Variants in MICU3 observed in about 807,000 individuals in gnomAD.
MICU3 encodes the protein mitochondrial calcium uptake 3, also known as calcium uptake protein 3, mitochondrial.
A neutral mutation model predicts 66.5 loss-of-function variants in MICU3; 62 were observed. That is an observed-to-expected ratio of 0.93 (90% CI 0.76 to 1.15). The LOEUF is 1.15. MICU3 is among the 50% of genes most tolerant of loss of function. The pLI, the probability that MICU3 is intolerant of heterozygous loss-of-function variation, is 0.00. For missense variants in MICU3, 779 were observed against 664.4 expected (o/e 1.17, Z -1.90); for synonymous variants, 308 against 240.7 (o/e 1.28, Z -2.59).
chr8:17,076,782 C>G (rs139677734), intron 3 of MICU3, among the ~76,000 whole-genome samples: 44 of 152,256 alleles, frequency 2.9e-4, no homozygotes, highest in Middle Eastern at 6.8e-3. Flanking sequence ...TTCAGTAGGT[C>G]TGGGATGGGC....
chr8:17,133,716 A>G, the MICU3 span, among the ~76,000 whole-genome samples: 1 of 152,214 alleles, frequency 6.6e-6, no homozygotes, highest in Non-Finnish European at 1.5e-5. Context: ...TGACCCACAA[A>G]TATCTAACCA....
chr8:17,053,451 A>G (rs1816426435), intron 1 of MICU3, among the ~76,000 whole-genome samples: 1 of 152,194 alleles, frequency 6.6e-6, no homozygotes, highest in Non-Finnish European at 1.5e-5. Context: ...AAGGATAATG[A>G]TGTACTCTGT....
At chr8:17,058,363 C>G (rs150189777) in intron 1 of MICU3, among the ~76,000 whole-genome samples, 134 of 152,180 alleles carry the variant, frequency 8.8e-4, no homozygotes, top group African/African-American at 3.0e-3. Flanking sequence ...GGATATACAC[C>G]TAATCACAGA....
downstream of MICU3, among the ~76,000 whole-genome samples, chr8:17,126,226 C>G (rs1354979944): frequency 6.6e-6 from 1 of 151,936 alleles, no homozygotes; most frequent in African/African-American, 2.4e-5. Context: ...TCACTTAAGC[C>G]TTTGAGGAAC....
At chr8:17,063,615 C>T (rs1818209759) in intron 1 of MICU3, among the ~76,000 whole-genome samples, 1 of 151,926 alleles carries the variant, frequency 6.6e-6, no homozygotes, top group Non-Finnish European at 1.5e-5. Context: ...CTAATGGTTT[C>T]CTTAGTGGTA....
intron 2 of MICU3, among the ~76,000 whole-genome samples, chr8:17,065,195 C>T (rs1818490771): frequency 6.6e-6 from 1 of 152,128 alleles, no homozygotes; most frequent in African/African-American, 2.4e-5. Context: ...AACTGTCACA[C>T]AAATACTTTA....
At chr8:17,032,580 T>C (rs1005750629) in intron 1 of MICU3, among the ~76,000 whole-genome samples, 2 of 152,220 alleles carry the variant, frequency 1.3e-5, no homozygotes, top group African/African-American at 2.4e-5. Flanking sequence ...CAAATAGTCA[T>C]ACATTATTAA....
chr8:17,042,845 T>G (rs1814404501), intron 1 of MICU3, among the ~76,000 whole-genome samples: 2 of 152,012 alleles, frequency 1.3e-5, no homozygotes. Flanking sequence ...ACACTGTAAG[T>G]ATTGACTAGG....
At chr8:17,134,975 A>G in the MICU3 span, among the ~76,000 whole-genome samples, 2 of 152,226 alleles carry the variant, frequency 1.3e-5, no homozygotes, top group African/African-American at 4.8e-5. Flanking sequence ...CATTTCATTC[A>G]GTGATAATTA....
intron 3 of MICU3, among the ~76,000 whole-genome samples, chr8:17,076,364 A>C (rs184708491): frequency 1.3e-5 from 2 of 152,252 alleles, no homozygotes; most frequent in African/African-American, 4.8e-5. Context: ...TCTCAATCTA[A>C]CAAAAATATT....
At chr8:17,118,561 C>G (rs1478260829) in intron 13 of MICU3, 146 bp from the exon 14 acceptor site, 2 of 465,942 alleles carry the variant, frequency 4.3e-6, no homozygotes, top group East Asian at 3.3e-5. Context: ...CCCTTTCCTC[C>G]CCAGTCCCCC....
At chr8:17,081,148 AG>A (rs1431512295) in intron 4 of MICU3, among the ~76,000 whole-genome samples, 1 of 152,056 alleles carries the variant, frequency 6.6e-6, no homozygotes, top group Non-Finnish European at 1.5e-5. Flanking sequence ...AAAACTCCTC[AG>A]GGTACATTTA....
chr8:17,068,930 T>C (rs1368945549), intron 2 of MICU3, among the ~76,000 whole-genome samples: 7 of 152,092 alleles, frequency 4.6e-5, no homozygotes, highest in Admixed American at 4.6e-4. Flanking sequence ...CTGGTGCTAA[T>C]TCTTAGGCAG....
chr8:17,070,246 A>C (rs1160360944), intron 3 of MICU3, among the ~76,000 whole-genome samples: 10 of 152,154 alleles, frequency 6.6e-5, no homozygotes, highest in Admixed American at 6.6e-4. Flanking sequence ...ATATATCAAT[A>C]CTATACCATA....
intron 1 of MICU3, among the ~76,000 whole-genome samples, chr8:17,044,457 G>A (rs1258400169): frequency 3.3e-5 from 5 of 152,164 alleles, no homozygotes; most frequent in African/African-American, 4.8e-5. Flanking sequence ...GGAGAGCAGA[G>A]TAGCTCCCTA....
rs1451230937 is a variant in MICU3, at chr8:17,122,007, A to G, written c.*1720A>G. ...ATGCAGTTTCCTTTAATCCTTGACT[A>G]TAAGTTATACTATGTTGCGTACATG... is the stretch of plus-strand genomic sequence containing the variant. On this transcript the variant is annotated 3_prime_UTR_variant, in exon 15 of 15. Transcript: ENST00000318063. The G allele has an allele frequency of 2.0e-5, 3 of 151,844 alleles. No individual in the cohort carries two copies. The highest frequency in any genetic ancestry group is 4.4e-5 in the Non-Finnish European group (3 of 67,738). 9.4% of individuals were successfully genotyped at this position (151,844 alleles called of 1,614,324 possible).
chr8:17,085,424 A>G (rs1799367369), intron 6 of MICU3, 106 bp downstream of exon 6: 2 of 621,154 alleles, frequency 3.2e-6, no homozygotes, highest in Non-Finnish European at 5.5e-6. Context: ...AGAGTGAAAA[A>G]CTTACGCTTT....
At chr8:17,108,605 C>T (rs574834041) in intron 11 of MICU3, among the ~76,000 whole-genome samples, 1 of 152,108 alleles carries the variant, frequency 6.6e-6, no homozygotes, top group Admixed American at 6.6e-5. Context: ...ATTGATACTA[C>T]CTGTATAAGA....
rs138969090 is a variant in MICU3 at position 17,066,738 on chromosome 8, G to A, written c.535+2501G>A. On this transcript the variant is annotated intron_variant, in intron 2 of 14. Coordinates refer to ENST00000318063, the MANE Select transcript of MICU3 (RefSeq NM_181723.3). ...TTTTTAAATTTTTTTGTAGAGAGAG[G>A]GTTTTGCTATGTTTCCCAGGCTTGG... is the stretch of plus-strand genomic sequence containing the variant. Among the ~76,000 whole-genome samples, 1,300 of 151,454 alleles carry A rather than the reference G, an allele frequency of 8.6e-3. 6 individuals carry two copies. Among genetic ancestry groups the A allele is most frequent in the Middle Eastern group, 0.014 (4 of 294 alleles).
Sources: allele counts gnomAD v4.1 joint callset (sites outside exome capture counted in the v4.1 genomes callset), GRCh38; gene constraint gnomAD v4.1.1; transcripts MANE v1.5; gene names NCBI Gene and HGNC (gene_info 2026-07-23, HGNC 2026-07-21).